SERTM1: variants seen among roughly 807,000 people sequenced by gnomAD.
The protein encoded by SERTM1 is serine-rich and transmembrane domain-containing protein 1.
SERTM1 carries 1 observed loss-of-function variant against 5.5 expected under a neutral mutation model. The ratio of observed to expected loss-of-function variants is 0.18; its 90% CI spans 0.06 to 0.86. The LOEUF (loss-of-function observed/expected upper bound fraction) is 0.86. SERTM1 is among the 40% of genes least tolerant of loss of function. The pLI is 0.69. For synonymous variants in SERTM1, 52 were observed against 55.1 expected (o/e 0.94, Z 0.25); for missense variants, 91 against 122.4 (o/e 0.74, Z 1.21).
chr13:36,680,309 T>C (rs1193616405), intron 1 of SERTM1, among the ~76,000 whole-genome samples: 2 of 152,186 alleles, frequency 1.3e-5, no homozygotes, highest in African/African-American at 2.4e-5. Context: ...TTTCAGTCTG[T>C]TCAAGTGTCG....
At chr13:36,676,813 A>C (rs1440338754) in intron 1 of SERTM1, among the ~76,000 whole-genome samples, 1 of 152,196 alleles carries the variant, frequency 6.6e-6, no homozygotes, top group African/African-American at 2.4e-5. Context: ...TAAAAATAAT[A>C]ATAATAAAGG....
intron 1 of SERTM1, among the ~76,000 whole-genome samples, chr13:36,681,232 A>G (rs2056702976): frequency 1.3e-5 from 2 of 152,308 alleles, no homozygotes; most frequent in South Asian, 4.1e-4. Context: ...TACTAGGCAT[A>G]CTTTTTAGTT....
rs1032463052 is a variant in SERTM1, at chr13:36,697,250, A to G, written c.*1848A>G. The G allele has an allele frequency of 6.1e-6, 1 of 164,906 alleles. No individual in the cohort carries two copies. The highest frequency in any genetic ancestry group is 2.5e-5 in the African/African-American group (1 of 40,704). 10.2% of individuals were successfully genotyped at this position (164,906 alleles called of 1,614,324 possible). A position where few individuals can be genotyped will look rare whatever the true frequency, so the allele number is the denominator to read the frequency against. ...AGATAAACTGCTATTTTAGAGCATT[A>G]TTAGCATTCTCTGAATATATGTATA... On this transcript the variant is annotated 3_prime_UTR_variant, in exon 2 of 2. Transcript: ENST00000315190.
chr13:36,676,733 T>G (rs1478907593), intron 1 of SERTM1, among the ~76,000 whole-genome samples: 1 of 152,156 alleles, frequency 6.6e-6, no homozygotes, highest in Non-Finnish European at 1.5e-5. Flanking sequence ...TATTATATTA[T>G]ATTAGTATAT....
At chr13:36,690,472 C>T (rs760758012) in intron 1 of SERTM1, among the ~76,000 whole-genome samples, 65 of 152,134 alleles carry the variant, frequency 4.3e-4, no homozygotes, top group Non-Finnish European at 7.8e-4. Context: ...TGAAGATTTA[C>T]ATTTAGAGAA....
chr13:36,690,743 A>G (rs1475172578), intron 1 of SERTM1, among the ~76,000 whole-genome samples: 1 of 152,252 alleles, frequency 6.6e-6, no homozygotes, highest in Non-Finnish European at 1.5e-5. Flanking sequence ...TACATCATCT[A>G]AAACCATTAA....
chr13:36,687,819 G>A (rs1020413147), intron 1 of SERTM1, among the ~76,000 whole-genome samples: 1 of 152,028 alleles, frequency 6.6e-6, no homozygotes, highest in South Asian at 2.1e-4. Context: ...CCAACAAAAA[G>A]GTTCTCATTA....
intron 1 of SERTM1, among the ~76,000 whole-genome samples, chr13:36,688,926 T>A (rs997064345): frequency 6.6e-5 from 10 of 152,316 alleles, no homozygotes; most frequent in African/African-American, 2.4e-4. Context: ...CGCAGGTTAC[T>A]CCTTTTCTTG....
Position 36,695,690 on chromosome 13 carries a change from C to T in SERTM1, c.*288C>T, listed in dbSNP as rs1038457481. 31 of 444,782 alleles carry T rather than the reference C, an allele frequency of 7.0e-5. No individual in the cohort carries two copies. The highest frequency in any genetic ancestry group is 3.7e-4 in the South Asian group (10 of 26,862). 27.6% of individuals were successfully genotyped at this position (444,782 alleles called of 1,614,324 possible). A position where few individuals can be genotyped will look rare whatever the true frequency, so the allele number is the denominator to read the frequency against. ...AGTCAGTTCATTCTACTTTGTTGGA[C>T]GCCGTAGGCTCATCTGAGGTGGCCT... On this transcript the variant is annotated 3_prime_UTR_variant, in exon 2 of 2. Coordinates refer to ENST00000315190, the MANE Select transcript of SERTM1 (RefSeq NM_203451.3).
rs551043244 is a variant in SERTM1, at chr13:36,674,437, C to A, written c.-174+253C>A. ...CTCTCCGAGTCTTGGGGTGACTCCA[C>A]GGGCTGCAGGAGGAGCCGCGAGGGG... On this transcript the variant is annotated intron_variant, in intron 1 of 1. Transcript: ENST00000315190. Among the ~76,000 whole-genome samples, 210 of 152,258 alleles carry A rather than the reference C, an allele frequency of 1.4e-3. 5 individuals are homozygous for A. Among genetic ancestry groups the A allele is most frequent in the Non-Finnish European group, 3.4e-4 (23 of 68,008 alleles).
At chr13:36,686,599 C>T (rs575509833) in intron 1 of SERTM1, among the ~76,000 whole-genome samples, 1 of 152,046 alleles carries the variant, frequency 6.6e-6, no homozygotes, top group Non-Finnish European at 1.5e-5. Flanking sequence ...GGCTGAACCA[C>T]TTGAGGGTTA....
chr13:36,676,292 T>C (rs2056669539), intron 1 of SERTM1, among the ~76,000 whole-genome samples: 1 of 151,924 alleles, frequency 6.6e-6, no homozygotes, highest in Admixed American at 6.6e-5. Flanking sequence ...AAAGACTAAC[T>C]CATCACAGGC....
intron 1 of SERTM1, among the ~76,000 whole-genome samples, chr13:36,685,382 T>A (rs767952797): frequency 6.6e-6 from 1 of 152,182 alleles, no homozygotes; most frequent in Admixed American, 6.5e-5. Flanking sequence ...TCCAGGTAGA[T>A]GAGTAATTTT....
At chr13:36,694,885 T>C (rs2056802527) in intron 1 of SERTM1, 21 bp from the exon 2 acceptor site, 1 of 557,696 alleles carries the variant, frequency 1.8e-6, no homozygotes, top group African/African-American at 1.9e-5. Context: ...AAGAATGCAC[T>C]GACTTGCTTT....
intron 1 of SERTM1, among the ~76,000 whole-genome samples, chr13:36,690,195 A>G (rs2056769062): frequency 6.6e-6 from 1 of 152,122 alleles, no homozygotes; most frequent in Admixed American, 6.5e-5. Context: ...CCTCTAATTC[A>G]ATGTTCTCAA....
At chr13:36,685,970 C>A (rs1368651139) in intron 1 of SERTM1, among the ~76,000 whole-genome samples, 1 of 152,202 alleles carries the variant, frequency 6.6e-6, no homozygotes, top group Non-Finnish European at 1.5e-5. Flanking sequence ...TAGTCCCAAG[C>A]TTTGACTGGG....
intron 1 of SERTM1, among the ~76,000 whole-genome samples, chr13:36,691,018 A>T (rs890211211): frequency 6.6e-6 from 1 of 152,270 alleles, no homozygotes; most frequent in Admixed American, 6.5e-5. Flanking sequence ...TTATTCACAT[A>T]GAAATGTATT....
chr13:36,688,667 G>T (rs543646649), intron 1 of SERTM1, among the ~76,000 whole-genome samples: 1 of 152,146 alleles, frequency 6.6e-6, no homozygotes, highest in Non-Finnish European at 1.5e-5. Context: ...AGAGCAGGAT[G>T]GGGGGAAAGA....
chr13:36,676,955 C>A (rs933131022), intron 1 of SERTM1, among the ~76,000 whole-genome samples: 1 of 152,134 alleles, frequency 6.6e-6, no homozygotes, highest in East Asian at 1.9e-4. Context: ...GATGAAGATG[C>A]CCTTGGTATG....
Sources: allele counts gnomAD v4.1 joint callset (sites outside exome capture counted in the v4.1 genomes callset), GRCh38; gene constraint gnomAD v4.1.1; transcripts MANE v1.5; gene names NCBI Gene and HGNC (gene_info 2026-07-23, HGNC 2026-07-21).